Variants in CELSR1 observed in about 807,000 individuals in gnomAD.
CELSR1 encodes adhesion G protein-coupled receptor C1.
CELSR1 carries 110 observed loss-of-function variants against 249.1 expected under a neutral mutation model. That is an observed-to-expected ratio of 0.44 (90% CI 0.38 to 0.52). The LOEUF is 0.52. Among genes scored for constraint, CELSR1 ranks in the 20% least tolerant of loss-of-function variants. CELSR1 has a pLI of 0.00. For missense variants in CELSR1, 4,109 were observed against 4,296.4 expected (o/e 0.96, Z 1.22); for synonymous variants, 2,113 against 1,900.0 (o/e 1.11, Z -2.92).
At chr22:46,516,106 G>C (rs188650799) in intron 1 of CELSR1, among the ~76,000 whole-genome samples, 3 of 152,170 alleles carry the variant, frequency 2.0e-5, no homozygotes, top group South Asian at 4.2e-4. Flanking sequence ...CCCATTACTG[G>C]GTATATACCC....
At position 46,417,478 on chromosome 22, in the gene CELSR1, C is replaced by G. The variant is rs890935647; in HGVS notation, c.4612-5719G>C. ...GTAGCCACCCTCTACACAGGGGCTGCCGGCTGCTTTTGATGACCTGGCTCG... is the reference window on the plus strand; with the variant it reads ...GTAGCCACCCTCTACACAGGGGCTGGCGGCTGCTTTTGATGACCTGGCTCG... On this transcript the variant is annotated intron_variant, in intron 5 of 34. Transcript: ENST00000674500. The surrounding 1 kb of genome is among the most constrained non-coding windows in gnomAD (Gnocchi z 4.1). Among the ~76,000 whole-genome samples, 1 of 152,176 alleles carries G rather than the reference C, an allele frequency of 6.6e-6. No homozygotes were observed. The highest frequency in any genetic ancestry group is 1.5e-5 in the Non-Finnish European group (1 of 68,038).
Position 46,363,071 on chromosome 22 carries a change from C to T in CELSR1, c.*152G>A. On this transcript the variant is annotated 3_prime_UTR_variant, in exon 35 of 35. Coordinates refer to ENST00000674500, the MANE Select transcript of CELSR1 (RefSeq NM_001378328.1). The surrounding 1 kb of genome is among the most constrained non-coding windows in gnomAD (Gnocchi z 4.3). ...GGATGATCAGTCGGGGGGCTGCCACCATGGGGACCGCCACACTCTGGGCCC... is the reference window on the plus strand; with the variant it reads ...GGATGATCAGTCGGGGGGCTGCCACTATGGGGACCGCCACACTCTGGGCCC... 6.6e-7 allele frequency: 1 copy of T among 1,524,114 alleles called. No individual in the cohort carries two copies. Among genetic ancestry groups the T allele is most frequent in the Non-Finnish European group, 9.1e-7 (1 of 1,104,130 alleles). 94.4% of individuals were successfully genotyped at this position (1,524,114 alleles called of 1,614,324 possible). A position where few individuals can be genotyped will look rare whatever the true frequency, so the allele number is the denominator to read the frequency against.
Position 46,412,530 on chromosome 22 carries a change from T to C in CELSR1, c.4612-771A>G, listed in dbSNP as rs985848845. Among the ~76,000 whole-genome samples, 4 of 152,114 alleles carry C rather than the reference T, an allele frequency of 2.6e-5. No homozygotes were observed. Among genetic ancestry groups the C allele is most frequent in the African/African-American group, 4.8e-5 (2 of 41,424 alleles). On this transcript the variant is annotated intron_variant, in intron 5 of 34. Transcript: ENST00000674500. This position sits in a 1 kb window ranked among gnomAD's most constrained non-coding sequence, Gnocchi z 4.5. ...GTGGAACTCCCTCTCTGGGCCAGGA[T>C]TGGGTACAAGAGTTCTTCTGGAATC...
chr22:46,483,418 G>GTCTC (rs2080286273), intron 1 of CELSR1, among the ~76,000 whole-genome samples: 1 of 119,828 alleles, frequency 8.3e-6, no homozygotes, highest in Non-Finnish European at 1.6e-5. Context: ...TTGAGACAGC[G>GTCTC]TCTCGCTCTG....
chr22:46,516,494 T>C (rs1297343536), intron 1 of CELSR1, among the ~76,000 whole-genome samples: 1 of 151,552 alleles, frequency 6.6e-6, no homozygotes, highest in South Asian at 2.1e-4. Flanking sequence ...CACACCGGTT[T>C]TGGGGGGTTT....
At position 46,534,478 on chromosome 22, in the gene CELSR1, T is replaced by C. The variant is rs770875757; in HGVS notation, c.2693A>G (p.Gln898Arg). Residue 898 changes from glutamine to arginine, a missense_variant, in exon 1 of 35, where the codon CAG becomes CGG. Physicochemically the swap from Gln to Arg is conservative, Grantham distance 43. Transcript: ENST00000674500. The surrounding 1 kb of genome is among the most constrained non-coding windows in gnomAD (Gnocchi z 9.7). ...NAPQFLWDFY[Q>R]GSIFEDAPPS... The stretch of plus-strand genomic sequence containing the variant: ...TGGAGCATCCTCAAAGATGGAACCC[T>C]GGTAGAAATCCCACAGGAACTGGGG... 5 of 1,613,064 alleles carry C rather than the reference T, an allele frequency of 3.1e-6. No individual in the cohort carries two copies. The African/African-American group carries it at 5.3e-5, about 17-fold the overall frequency.
rs1377341444 is a variant in CELSR1 at position 46,439,488 on chromosome 22, CT to C, written c.4184-78del. The C allele has an allele frequency of 2.2e-5, 26 of 1,184,394 alleles. No individual in the cohort carries two copies. The African/African-American group carries it at 3.9e-4, about 18-fold the overall frequency. The allele number at this position is 1,184,394 out of a possible 1,614,324, so 73.4% of individuals were successfully genotyped here. A position where few individuals can be genotyped will look rare whatever the true frequency, so the allele number is the denominator to read the frequency against. On this transcript the variant is annotated intron_variant, in intron 2 of 34. Coordinates refer to ENST00000674500, the MANE Select transcript of CELSR1 (RefSeq NM_001378328.1). ...AAAGCCAACGAGCCTGTCGCAGACC[CT>C]GGACACACCCCAGCCACACAGTCAG...
chr22:46,368,059 G>A (rs534865213), intron 27 of CELSR1, among the ~76,000 whole-genome samples: 5 of 152,300 alleles, frequency 3.3e-5, no homozygotes, highest in African/African-American at 1.2e-4. Flanking sequence ...GACAGAGCTC[G>A]TGTTAGTGGG....
rs771292519 is a variant in CELSR1, at chr22:46,396,788, G to A, written c.5702-42C>T. 12 of 1,598,112 alleles carry A rather than the reference G, an allele frequency of 7.5e-6. No individual in the cohort carries two copies. The highest frequency in any genetic ancestry group is 2.3e-5 in the East Asian group (1 of 43,946). ...AGCATTACCTCCACCCACAATCCAC[G>A]AGACCTTCCACGTTAAAATATCTGG... is the stretch of plus-strand genomic sequence containing the variant. On this transcript the variant is annotated intron_variant, in intron 12 of 34. Transcript: ENST00000674500. This position sits in a 1 kb window ranked among gnomAD's most constrained non-coding sequence, Gnocchi z 6.4.
At chr22:46,421,043 A>G (rs1297289089) in intron 5 of CELSR1, among the ~76,000 whole-genome samples, 1 of 152,176 alleles carries the variant, frequency 6.6e-6, no homozygotes, top group African/African-American at 2.4e-5. Context: ...CGGCCCTCCC[A>G]TCATCTACTC....
intron 1 of CELSR1, among the ~76,000 whole-genome samples, chr22:46,495,214 C>T (rs907637300): frequency 6.6e-6 from 1 of 152,216 alleles, no homozygotes; most frequent in Non-Finnish European, 1.5e-5. Context: ...GCCTGCTACA[C>T]ACCTAGGCTG....
chr22:46,427,245 A>C lies in CELSR1; in HGVS notation c.4611+6148T>G, dbSNP rs967175541. ...CTAAATGCCACCCTCCACTAAAAGA[A>C]CCAGGCTCGGCCAGGTGCAGTGGCT... On this transcript the variant is annotated intron_variant, in intron 5 of 34. Transcript: ENST00000674500. The surrounding 1 kb of genome is among the most constrained non-coding windows in gnomAD (Gnocchi z 4.2). 1.3e-5 allele frequency among the ~76,000 whole-genome samples: 2 copies of C among 152,182 alleles called. No homozygotes were observed. Among genetic ancestry groups the C allele is most frequent in the Non-Finnish European group, 2.9e-5 (2 of 68,026 alleles).
rs190281317 is a variant in CELSR1 at position 46,386,443 on chromosome 22, C to T, written c.6698G>A (p.Arg2233Gln). The change falls in exon 19 of 35, where the codon CGG becomes CAG. Residue 2233 changes from arginine to glutamine, a missense_variant. Arg to Gln is a conservative substitution (Grantham distance 43, BLOSUM62 1). This residue lies in a region of CELSR1 where 1,805 missense variants were observed against 1,831.6 expected (regional missense o/e 0.99). Coordinates refer to ENST00000674500, the MANE Select transcript of CELSR1 (RefSeq NM_001378328.1). ...GATGACGAAGGGCCGCAGGTACGTC[C>T]GCCGCACGTTGCGTGCCACGTTGCT... ...YFSNVARNVR[R>Q]TYLRPFVIVT... The T allele has an allele frequency of 3.1e-5, 49 of 1,600,238 alleles. No individual in the cohort carries two copies. The highest frequency in any genetic ancestry group is 1.2e-4 in the African/African-American group (9 of 74,560).
In CELSR1 at chr22:46,388,111, G is replaced by A. The variant is rs576499609; in HGVS notation, c.6555+1179C>T. Among the ~76,000 whole-genome samples, 3 of 152,306 alleles carry A rather than the reference G, an allele frequency of 2.0e-5. No homozygotes were observed. In the East Asian group the frequency reaches 5.8e-4, roughly 29 times the overall value. ...TGCCTGTAATCCCAACACTTTGGGT[G>A]GCTGAAGCGGGTGGATCACCTGAGG... On this transcript the variant is annotated intron_variant, in intron 18 of 34. Coordinates refer to ENST00000674500, the MANE Select transcript of CELSR1 (RefSeq NM_001378328.1).
intron 1 of CELSR1, among the ~76,000 whole-genome samples, chr22:46,521,300 G>A (rs570831113): frequency 6.6e-6 from 1 of 152,092 alleles, no homozygotes; most frequent in Non-Finnish European, 1.5e-5. Context: ...TCAGGAGATC[G>A]AGACCATCCT....
intron 5 of CELSR1, among the ~76,000 whole-genome samples, chr22:46,416,929 G>A (rs1246214196): frequency 6.6e-6 from 1 of 150,876 alleles, no homozygotes; most frequent in Non-Finnish European, 1.5e-5. Context: ...GGAGGCCGGT[G>A]GGGGTACGGT....
In CELSR1 at chr22:46,401,773, G is replaced by GC. The variant is rs2079213010; in HGVS notation, c.5227-1872dup. ...ACACTAACGATAAAAACGAAAAAGA[G>GC]CCACCTTTGCAGGACTGGAAGCCCA... On this transcript the variant is annotated intron_variant, in intron 9 of 34. Transcript: ENST00000674500. The surrounding 1 kb of genome is among the most constrained non-coding windows in gnomAD (Gnocchi z 4.7). Among the ~76,000 whole-genome samples, 1 of 152,160 alleles carries GC rather than the reference G, an allele frequency of 6.6e-6. No individual in the cohort carries two copies. Among genetic ancestry groups the GC allele is most frequent in the African/African-American group, 2.4e-5 (1 of 41,430 alleles).
chr22:46,426,245 A>T (rs1602119451), intron 5 of CELSR1, among the ~76,000 whole-genome samples: 1 of 152,076 alleles, frequency 6.6e-6, no homozygotes, highest in Admixed American at 6.6e-5. Context: ...GAAAATGAGA[A>T]CAAGGTTTCT....
Position 46,533,795 on chromosome 22 carries a change from A to G in CELSR1, c.3376T>C (p.Cys1126Arg), listed in dbSNP as rs4823561. Residue 1126 changes from cysteine to arginine, a missense_variant, in exon 1 of 35, where the codon TGC becomes CGC. Coordinates refer to ENST00000674500, the MANE Select transcript of CELSR1 (RefSeq NM_001378328.1). ...ACGTCGGGGTCATGGGCCGGGATGC[A>G]GCCGATCACGCCGGTGGGGAAACTG... ...SNSFPTGVIGCIPAHDPDVSD... is the reference protein window; with the variant it reads ...SNSFPTGVIGRIPAHDPDVSD... 0.93 allele frequency: 1,508,612 copies of G among 1,613,706 alleles called. 705,461 individuals carry two copies. The highest frequency in any genetic ancestry group is 0.98 in the East Asian group (43,832 of 44,872).
Sources: gnomAD v4.1 joint callset for allele counts (sites outside exome capture counted in the v4.1 genomes callset) on GRCh38, gnomAD v4.1.1 for gene constraint, gnomAD v4.1.1 regional missense constraint, Gnocchi (gnomAD v3.1) non-coding constraint, MANE v1.5 for transcripts, NCBI Gene and HGNC (gene_info 2026-07-23, HGNC 2026-07-21) for gene names.